The following RBFOX1 variants were observed in gnomAD, a reference collection of about 807,000 sequenced individuals.
RBFOX1 encodes the protein RNA binding protein fox-1 homolog 1.
In RBFOX1, 8 loss-of-function variants were observed where a neutral mutation model predicts 57.7. The ratio of observed to expected loss-of-function variants is 0.14; its 90% CI spans 0.08 to 0.25. The LOEUF is 0.25. RBFOX1 is among the 10% of genes least tolerant of loss of function. The probability of loss-of-function intolerance (pLI) is 1.00; values close to 1 mark genes in which losing one functional copy is unlikely to be tolerated. For synonymous variants in RBFOX1, 326 were observed against 222.4 expected (o/e 1.47, Z -4.15); for missense variants, 611 against 548.5 (o/e 1.11, Z -1.14).
At chr16:6,739,171 A>T (rs1251239082) in intron 3 of RBFOX1, among the ~76,000 whole-genome samples, 2 of 152,120 alleles carry the variant, frequency 1.3e-5, no homozygotes, top group East Asian at 3.9e-4. Flanking sequence ...GAAAACAGAA[A>T]AACAAGAGAG....
At chr16:7,420,584 C>A (rs2098530976) in intron 4 of RBFOX1, among the ~76,000 whole-genome samples, 1 of 151,164 alleles carries the variant, frequency 6.6e-6, no homozygotes, top group Non-Finnish European at 1.5e-5. Flanking sequence ...TTATTTGTAT[C>A]TTTTTTTTTC....
intron 1 of RBFOX1, among the ~76,000 whole-genome samples, chr16:5,358,458 A>G (rs559843529): frequency 2.3e-4 from 35 of 152,304 alleles, no homozygotes; most frequent in Admixed American, 7.2e-4. Flanking sequence ...GTACATATGT[A>G]TGGGGTACAT....
chr16:7,570,011 T>A (rs757333354), intron 5 of RBFOX1, among the ~76,000 whole-genome samples: 3 of 152,194 alleles, frequency 2.0e-5, no homozygotes, highest in African/African-American at 4.8e-5. Flanking sequence ...GTATTTCCAA[T>A]GACAATTCAG....
intron 2 of RBFOX1, among the ~76,000 whole-genome samples, chr16:6,423,244 C>G (rs996677463): frequency 6.6e-6 from 1 of 152,196 alleles, no homozygotes; most frequent in Non-Finnish European, 1.5e-5. Flanking sequence ...CGGCCTTCCG[C>G]AAGCTGCAGA....
At chr16:5,703,553 T>C (rs1461726657) in intron 3 of RBFOX1, among the ~76,000 whole-genome samples, 4 of 152,198 alleles carry the variant, frequency 2.6e-5, no homozygotes, top group African/African-American at 9.6e-5. Context: ...TGGAAGCCTA[T>C]TTAAAGATTT....
At chr16:6,041,001 T>C (rs1032264228) in intron 1 of RBFOX1, among the ~76,000 whole-genome samples, 2 of 152,210 alleles carry the variant, frequency 1.3e-5, no homozygotes, top group African/African-American at 4.8e-5. Context: ...TTAGCTATTA[T>C]GACAGTTTTA....
chr16:5,875,884 C>T (rs894767147), intron 4 of RBFOX1, among the ~76,000 whole-genome samples: 1 of 150,268 alleles, frequency 6.7e-6, no homozygotes, highest in Non-Finnish European at 1.5e-5. Flanking sequence ...TGCTTTGTCT[C>T]CCAGGCTGGA....
chr16:6,980,565 C>G (rs979020842), intron 3 of RBFOX1, among the ~76,000 whole-genome samples: 20 of 152,080 alleles, frequency 1.3e-4, no homozygotes, highest in Admixed American at 7.9e-4. Flanking sequence ...GAATCAAAAG[C>G]GAGTATTGAA....
chr16:7,253,078 T>C (rs1266193557), intron 4 of RBFOX1, among the ~76,000 whole-genome samples: 1 of 152,256 alleles, frequency 6.6e-6, no homozygotes, highest in East Asian at 1.9e-4. Flanking sequence ...TATAATTACC[T>C]TTAAACACAG....
rs146514948 is a variant in RBFOX1, at chr16:5,493,136, T to A, written c.258+25882T>A. ...TGTATAGCCCTTTACAGAAAAAGTG[T>A]GTTGACACCTTACTTAGATGGTTCT... is the stretch of plus-strand genomic sequence containing the variant. On this transcript the variant is annotated intron_variant, in intron 2 of 2. Coordinates refer to the RBFOX1 transcript ENST00000585867. Among the ~76,000 whole-genome samples, 77 of 152,368 alleles carry A rather than the reference T, an allele frequency of 5.1e-4. No homozygotes were observed. The East Asian group carries it at 0.013, about 26-fold the overall frequency.
At chr16:7,434,818 C>A (rs970262730) in intron 4 of RBFOX1, among the ~76,000 whole-genome samples, 1 of 151,726 alleles carries the variant, frequency 6.6e-6, no homozygotes, top group Non-Finnish European at 1.5e-5. Context: ...CTGCTCACTG[C>A]AACCTCTGCC....
Position 6,480,243 on chromosome 16 carries a change from G to A in RBFOX1, c.-64+163186G>A, listed in dbSNP as rs548325236. Among the ~76,000 whole-genome samples the A allele has an allele frequency of 5.9e-5, 9 of 152,260 alleles. No individual in the cohort carries two copies. The South Asian group carries it at 1.9e-3, about 32-fold the overall frequency. ...CACATGTACACACATATAACATATA[G>A]AGTATATATACATACACACTTTTCA... is the stretch of plus-strand genomic sequence containing the variant. On this transcript the variant is annotated intron_variant, in intron 2 of 15. Coordinates refer to ENST00000550418, the MANE Select transcript of RBFOX1 (RefSeq NM_018723.4).
chr16:7,395,826 G>A (rs867921045), intron 4 of RBFOX1, among the ~76,000 whole-genome samples: 1 of 152,192 alleles, frequency 6.6e-6, no homozygotes, highest in East Asian at 1.9e-4. Context: ...TCCTGCGGGT[G>A]AAATTTTCCC....
At chr16:7,608,624 G>A (rs951133924) in intron 10 of RBFOX1, among the ~76,000 whole-genome samples, 7 of 152,218 alleles carry the variant, frequency 4.6e-5, no homozygotes, top group South Asian at 2.1e-4. Flanking sequence ...TACACAGCTC[G>A]GGTTCAAATT....
At chr16:5,611,726 C>CCATCCATCCATCCATG (rs2047805401) in intron 3 of RBFOX1, among the ~76,000 whole-genome samples, 1 of 142,760 alleles carries the variant, frequency 7.0e-6, no homozygotes, top group African/African-American at 2.6e-5. Context: ...ATCTATCCAT[C>CCATCCATCCATCCATG]CATCCATCCA....
At chr16:7,343,386 A>T (rs2096934514) in intron 4 of RBFOX1, among the ~76,000 whole-genome samples, 1 of 152,142 alleles carries the variant, frequency 6.6e-6, no homozygotes, top group Non-Finnish European at 1.5e-5. Flanking sequence ...TCAGAGTGAC[A>T]GGGGGCGGGA....
rs1269891951 is a variant in RBFOX1 at position 6,193,368 on chromosome 16, A to ATATATATATACATTATATG, written c.-126-123619_-126-123618insTACATTATATGTATATATA. On this transcript the variant is annotated intron_variant, in intron 1 of 15. Transcript: ENST00000550418. ...ACATATATATACATTATATATATAT[A>ATATATATATACATTATATG]TATATATACATTATATATATATACT... is the stretch of plus-strand genomic sequence containing the variant. Among the ~76,000 whole-genome samples, 7 of 114,296 alleles carry ATATATATATACATTATATG rather than the reference A, an allele frequency of 6.1e-5. 1 individual carries two copies. The highest frequency in any genetic ancestry group is 2.3e-4 in the African/African-American group (7 of 29,960). The allele number at this position is 114,296 out of a possible 152,430, so 75.0% of individuals were successfully genotyped here. A position where few individuals can be genotyped will look rare whatever the true frequency, so the allele number is the denominator to read the frequency against.
intron 4 of RBFOX1, among the ~76,000 whole-genome samples, chr16:7,217,972 G>A (rs1181019724): frequency 6.6e-6 from 1 of 151,636 alleles, no homozygotes; most frequent in Non-Finnish European, 1.5e-5. Flanking sequence ...ACCTGTGTCT[G>A]CGTGTGTGCA....
chr16:5,667,598 T>C (rs1298521355), intron 3 of RBFOX1, among the ~76,000 whole-genome samples: 1 of 152,258 alleles, frequency 6.6e-6, no homozygotes, highest in Non-Finnish European at 1.5e-5. Flanking sequence ...GAAAATTCTA[T>C]GTATCTTGCT....
Sources: allele counts gnomAD v4.1 joint callset (sites outside exome capture counted in the v4.1 genomes callset), GRCh38; gene constraint gnomAD v4.1.1; transcripts MANE v1.5; gene names NCBI Gene and HGNC (gene_info 2026-07-23, HGNC 2026-07-21).